The following PRDX4 variants were observed in gnomAD, a reference collection of about 807,000 sequenced individuals.
The protein encoded by PRDX4 is peroxiredoxin 4, also known as peroxiredoxin-4.
A neutral mutation model predicts 20.5 loss-of-function variants in PRDX4; 12 were observed. That is an observed-to-expected ratio of 0.58 (90% CI 0.37 to 0.95). The LOEUF is 0.95. Ranked by LOEUF, PRDX4 falls within the 40% of genes least tolerant of loss-of-function variation. PRDX4 has a pLI of 0.01. For synonymous variants in PRDX4, 99 were observed against 87.5 expected, an observed-to-expected ratio of 1.13 and a Z score of -0.73; for missense variants, 180 against 207.3, an observed-to-expected ratio of 0.87 and a Z score of 0.81.
At chrX:23,679,350 G>C in intron 4 of PRDX4, 63 bp downstream of exon 4, 2 of 1,058,964 alleles carry the variant, frequency 1.9e-6, no homozygotes, top group East Asian at 3.2e-5. Context: ...CCTTGAAATA[G>C]ATGTTATTTA....
Position 23,677,083 on chromosome X carries a change from G to A in PRDX4, c.476+1977G>A, listed in dbSNP as rs191538873. On this transcript the variant is annotated intron_variant, in intron 3 of 6. Coordinates refer to ENST00000379341, the MANE Select transcript of PRDX4 (RefSeq NM_006406.2). ...CTTCTGTAGTAATTATAAATCTTCC[G>A]AGGATTAAAATGCATATCCACTAAG... is the stretch of plus-strand genomic sequence containing the variant. Among the ~76,000 whole-genome samples, 388 of 111,267 alleles carry A rather than the reference G, an allele frequency of 3.5e-3. 2 individuals are homozygous for A. Among genetic ancestry groups the A allele is most frequent in the African/African-American group, 0.012 (372 of 30,668 alleles).
chrX:23,683,744 T>TA (rs770624053), intron 6 of PRDX4, 39 bp downstream of exon 6: 3 of 1,148,668 alleles, frequency 2.6e-6, no homozygotes, highest in Non-Finnish European at 3.5e-6. Flanking sequence ...AGTTGATGGT[T>TA]AGAGTTGAAA....
intron 4 of PRDX4, 107 bp downstream of exon 4, chrX:23,679,394 T>C (rs957416805): frequency 5.8e-5 from 54 of 936,827 alleles, no homozygotes; most frequent in Non-Finnish European, 6.9e-5. Context: ...TCAAGAAATA[T>C]AATTTTGAGG....
chrX:23,682,459 G>A lies in PRDX4; in HGVS notation c.663G>A (p.Val221=). The change falls in exon 5 of 7, where the codon GTG becomes GTA. Residue 221 remains valine, a synonymous_variant. Transcript: ENST00000379341. ...LRQITLNDLP[V]GRSVDETLRL... The stretch of plus-strand genomic sequence containing the variant: ...AAATTACTCTGAATGATCTTCCTGT[G>A]GGTAGATCAGTGGATGAGACACTAC... 2.6e-6 allele frequency: 3 copies of A among 1,174,880 alleles called. No individual in the cohort carries two copies. The highest frequency in any genetic ancestry group is 3.5e-6 in the Non-Finnish European group (3 of 869,203).
intron 1 of PRDX4, among the ~76,000 whole-genome samples, chrX:23,669,746 G>A (rs1341110371): frequency 1.8e-5 from 2 of 109,496 alleles, no homozygotes; most frequent in African/African-American, 6.7e-5. Context: ...GTGAAACCCT[G>A]TGTCTACTAA....
At chrX:23,668,534 A>G (rs1228017616) in intron 1 of PRDX4, among the ~76,000 whole-genome samples, 1 of 112,703 alleles carries the variant, frequency 8.9e-6, no homozygotes, top group East Asian at 2.8e-4. Context: ...GGCCACTTTC[A>G]GGAATGACAC....
intron 6 of PRDX4, among the ~76,000 whole-genome samples, chrX:23,684,257 G>A (rs941061317): frequency 2.1e-4 from 23 of 108,535 alleles, no homozygotes; most frequent in Admixed American, 6.0e-4. Flanking sequence ...TAAATACACC[G>A]TTCGAAAAAA....
intron 4 of PRDX4, 59 bp downstream of exon 4, chrX:23,679,346 A>C: frequency 3.8e-6 from 4 of 1,058,024 alleles, no homozygotes; most frequent in Non-Finnish European, 5.1e-6. Flanking sequence ...TCCTCCTTGA[A>C]ATAGATGTTA....
intron 4 of PRDX4, among the ~76,000 whole-genome samples, chrX:23,679,746 A>T (rs1232420999): frequency 9.1e-6 from 1 of 110,216 alleles, no homozygotes; most frequent in Non-Finnish European, 1.9e-5. Context: ...TGGGAGGCCG[A>T]GGGGGGCAGA....
rs1342374765 is a variant in PRDX4 at position 23,668,436 on chromosome X, TGG to T, written c.241+627_241+628del. On this transcript the variant is annotated intron_variant, in intron 1 of 6. Coordinates refer to ENST00000379341, the MANE Select transcript of PRDX4 (RefSeq NM_006406.2). ...GGGGAAAAGGTTAGAAGTATGCATT[TGG>T]GTTGATGATAAACCTCGTGGCAAAT... Among the ~76,000 whole-genome samples, 5 of 112,356 alleles carry T rather than the reference TGG, an allele frequency of 4.5e-5. No individual in the cohort carries two copies. The East Asian group carries it at 1.1e-3, about 25-fold the overall frequency.
Position 23,683,694 on chromosome X carries a change from G to A in PRDX4, c.754G>A (p.Gly252Ser). The change falls in exon 6 of 7, where the codon GGT becomes AGT. Residue 252 changes from glycine (G) to serine (S), a missense_variant. By Grantham distance (56) the Gly-to-Ser change is moderately conservative. This residue lies in a region of PRDX4 where 73 missense variants were observed against 76.5 expected (regional missense o/e 0.95). Coordinates refer to ENST00000379341, the MANE Select transcript of PRDX4 (RefSeq NM_006406.2). ...AGTCTGCCCTGCTGGCTGGAAACCT[G>A]GTAGTGAAACAGTAAGTATATATAT... Reference protein sequence around the residue: ...GEVCPAGWKPGSETIIPDPAG... With the variant: ...GEVCPAGWKPSSETIIPDPAG... 1 of 1,205,262 alleles carries A rather than the reference G, an allele frequency of 8.3e-7. No individual in the cohort carries two copies. The highest frequency in any genetic ancestry group is 1.1e-6 in the Non-Finnish European group (1 of 892,422).
intron 3 of PRDX4, among the ~76,000 whole-genome samples, chrX:23,678,567 T>C (rs1266232674): frequency 2.7e-5 from 3 of 110,587 alleles, no homozygotes; most frequent in Non-Finnish European, 5.7e-5. Flanking sequence ...GAGGCAGAGG[T>C]TGCAGTGAAC....
At chrX:23,671,338 G>T (rs1927838972) in intron 1 of PRDX4, 191 bp from the exon 2 acceptor site, 5 of 344,709 alleles carry the variant, frequency 1.5e-5, no homozygotes, top group South Asian at 8.1e-5. Context: ...AATACAATTG[G>T]TTTCTTTTGT....
intron 3 of PRDX4, among the ~76,000 whole-genome samples, chrX:23,678,611 CAG>C (rs1927996879): frequency 9.0e-6 from 1 of 111,419 alleles, no homozygotes; most frequent in Non-Finnish European, 1.9e-5. Context: ...GCCTGGGCGA[CAG>C]AGCAAGACTC....
intron 6 of PRDX4, among the ~76,000 whole-genome samples, chrX:23,684,869 G>A (rs1928155710): frequency 9.0e-6 from 1 of 111,719 alleles, no homozygotes; most frequent in African/African-American, 3.3e-5. Context: ...TAACTCCAAG[G>A]GCAGGGACTT....
chrX:23,683,899 T>A (rs1221317854), intron 6 of PRDX4, among the ~76,000 whole-genome samples, 194 bp downstream of exon 6: 1 of 90,769 alleles, frequency 1.1e-5, no homozygotes. Flanking sequence ...AAAAAAAAAA[T>A]TAGCCGGGCA....
At chrX:23,669,590 C>T (rs1435608078) in intron 1 of PRDX4, among the ~76,000 whole-genome samples, 1 of 111,088 alleles carries the variant, frequency 9.0e-6, no homozygotes, top group Non-Finnish European at 1.9e-5. Context: ...AAAAAAAAGG[C>T]GGGATGCAAC....
chrX:23,670,418 C>T (rs1431250328), intron 1 of PRDX4, among the ~76,000 whole-genome samples: 11 of 111,453 alleles, frequency 9.9e-5, no homozygotes, highest in Non-Finnish European at 2.1e-4. Flanking sequence ...AGGATGCTGG[C>T]TCAAGATAAG....
chrX:23,685,300 A>G (rs186952131), intron 6 of PRDX4, among the ~76,000 whole-genome samples: 1 of 111,996 alleles, frequency 8.9e-6, no homozygotes, highest in African/African-American at 3.2e-5. Context: ...TCCAGGGGGA[A>G]GTGCCCCCTA....
Sources: gnomAD v4.1 joint callset for allele counts (sites outside exome capture counted in the v4.1 genomes callset) on GRCh38, gnomAD v4.1.1 for gene constraint, gnomAD v4.1.1 regional missense constraint, MANE v1.5 for transcripts, NCBI Gene and HGNC (gene_info 2026-07-23, HGNC 2026-07-21) for gene names.